The following FMN1 variants were observed in gnomAD, a reference collection of about 807,000 sequenced individuals.
FMN1 encodes formin-1.
FMN1 carries 110 observed loss-of-function variants against 132.4 expected under a neutral mutation model. The observed-to-expected ratio is 0.83, with a 90% CI of 0.71 to 0.97. FMN1 has a LOEUF of 0.97. Ranked by LOEUF, FMN1 falls within the 50% of genes least tolerant of loss-of-function variation. The pLI, the probability that FMN1 is intolerant of heterozygous loss-of-function variation, is 0.00. For synonymous variants in FMN1, 722 were observed against 651.7 expected, an observed-to-expected ratio of 1.11 and a Z score of -1.64; for missense variants, 1,792 against 1,705.3, an observed-to-expected ratio of 1.05 and a Z score of -0.90.
chr15:32,959,322 A>G (rs980623265), intron 9 of FMN1, among the ~76,000 whole-genome samples: 2 of 152,222 alleles, frequency 1.3e-5, no homozygotes, highest in African/African-American at 4.8e-5. Context: ...GAAAGAAAAC[A>G]AACATCTGAC....
At chr15:32,990,398 G>A (rs1215508389) in intron 7 of FMN1, among the ~76,000 whole-genome samples, 1 of 152,178 alleles carries the variant, frequency 6.6e-6, no homozygotes, top group Non-Finnish European at 1.5e-5. Context: ...TCCAGGATCA[G>A]AGCAAAGAAA....
intron 12 of FMN1, 61 bp downstream of exon 12, chr15:32,908,429 C>T: frequency 2.7e-6 from 3 of 1,098,238 alleles, no homozygotes; most frequent in Admixed American, 1.8e-5. Flanking sequence ...AGCTGGGAGA[C>T]AAGAAGACAG....
chr15:33,148,043 T>C (rs1325954924), intron 4 of FMN1, among the ~76,000 whole-genome samples: 1 of 152,194 alleles, frequency 6.6e-6, no homozygotes, highest in Non-Finnish European at 1.5e-5. Flanking sequence ...ATGGTCAACC[T>C]AATCAAATTT....
chr15:33,111,932 T>C lies in FMN1; in HGVS notation c.1868-22958A>G, dbSNP rs540545017. On this transcript the variant is annotated intron_variant, in intron 4 of 20. Coordinates refer to ENST00000616417, the MANE Select transcript of FMN1 (RefSeq NM_001277313.2). ...TTGTACATTTTAAATGAGTGAATTA[T>C]ATGGCATGTGTATTATATCTTAATA... 3.3e-5 allele frequency among the ~76,000 whole-genome samples: 5 copies of C among 152,316 alleles called. No individual in the cohort carries two copies. In the East Asian group the frequency reaches 5.8e-4, roughly 18 times the overall value.
intron 9 of FMN1, among the ~76,000 whole-genome samples, chr15:32,941,173 C>T (rs766050885): frequency 4.6e-5 from 7 of 152,050 alleles, no homozygotes; most frequent in Non-Finnish European, 1.0e-4. Flanking sequence ...GCTTTAAGCT[C>T]CCAACTTGAT....
intron 4 of FMN1, among the ~76,000 whole-genome samples, chr15:33,120,327 T>G (rs901076262): frequency 6.6e-6 from 1 of 152,184 alleles, no homozygotes; most frequent in Non-Finnish European, 1.5e-5. Context: ...TTTATTCTCC[T>G]TGCTGACCCT....
At position 33,031,127 on chromosome 15, in the gene FMN1, A is replaced by C. The variant is rs566291084; in HGVS notation, c.2162-23052T>G. Among the ~76,000 whole-genome samples, 17 of 152,308 alleles carry C rather than the reference A, an allele frequency of 1.1e-4. No homozygotes were observed. The East Asian group carries it at 3.1e-3, about 28-fold the overall frequency. On this transcript the variant is annotated intron_variant, in intron 6 of 20. Transcript: ENST00000616417. ...AAAAAGATCAAGGCACAAACAGCTT[A>C]AATGGTTGCCCAAGCTTACACAGGT...
intron 19 of FMN1, among the ~76,000 whole-genome samples, chr15:32,795,013 T>C (rs892685315): frequency 1.3e-5 from 2 of 151,946 alleles, no homozygotes; most frequent in Non-Finnish European, 2.9e-5. Context: ...CTGGGCAACA[T>C]AGTGAGACAC....
rs144127204 is a variant in FMN1 at position 32,826,754 on chromosome 15, C to T, written c.3929-22422G>A. On this transcript the variant is annotated intron_variant, in intron 17 of 20. Coordinates refer to ENST00000616417, the MANE Select transcript of FMN1 (RefSeq NM_001277313.2). ...CTTCTATTAGAACACTACATGATCTCACACTATCATTACAATATTCCAGGC... is the reference window on the plus strand; with the variant it reads ...CTTCTATTAGAACACTACATGATCTTACACTATCATTACAATATTCCAGGC... Among the ~76,000 whole-genome samples, 254 of 152,328 alleles carry T rather than the reference C, an allele frequency of 1.7e-3. 2 individuals carry two copies. The highest frequency in any genetic ancestry group is 6.8e-3 in the Middle Eastern group (2 of 294).
intron 19 of FMN1, among the ~76,000 whole-genome samples, chr15:32,792,478 C>CA (rs11412910): frequency 0.053 from 8,041 of 151,088 alleles, 398 homozygotes; most frequent in African/African-American, 0.13. Flanking sequence ...AAAAAAAACC[C>CA]AAAAAAACTA....
chr15:33,073,508 G>A (rs1415781006), intron 5 of FMN1, among the ~76,000 whole-genome samples: 3 of 152,158 alleles, frequency 2.0e-5, no homozygotes, highest in Admixed American at 2.0e-4. Context: ...GTTAATGGGT[G>A]AAATCCTGGT....
At chr15:32,886,345 A>G (rs2059896995) in intron 16 of FMN1, among the ~76,000 whole-genome samples, 1 of 152,128 alleles carries the variant, frequency 6.6e-6, no homozygotes, top group Admixed American at 6.5e-5. Flanking sequence ...TAACTGAGAC[A>G]ATGTTCAGTT....
At chr15:32,902,122 G>A in intron 12 of FMN1, 82 bp from the exon 13 acceptor site, 1 of 1,231,178 alleles carries the variant, frequency 8.1e-7, no homozygotes, top group Non-Finnish European at 1.1e-6. Context: ...ACCCACTTTG[G>A]GAACATTCCT....
chr15:33,033,389 GCA>G (rs1296392987), intron 6 of FMN1, among the ~76,000 whole-genome samples: 1 of 152,140 alleles, frequency 6.6e-6, no homozygotes, highest in African/African-American at 2.4e-5. Flanking sequence ...TGAAGAACTT[GCA>G]CATCCTCCCG....
intron 6 of FMN1, among the ~76,000 whole-genome samples, chr15:33,009,884 C>CT (rs1402673906): frequency 2.0e-5 from 3 of 151,510 alleles, no homozygotes; most frequent in South Asian, 2.1e-4. Context: ...ATGGAGGAAT[C>CT]TTTTTTTTGT....
chr15:32,801,499 G>A (rs1356070547), intron 18 of FMN1, among the ~76,000 whole-genome samples: 1 of 152,086 alleles, frequency 6.6e-6, no homozygotes, highest in Non-Finnish European at 1.5e-5. Flanking sequence ...GGGCACAGTG[G>A]CTCACGCCTG....
At chr15:32,838,843 C>T (rs187149494) in intron 17 of FMN1, among the ~76,000 whole-genome samples, 1 of 152,334 alleles carries the variant, frequency 6.6e-6, no homozygotes, top group Admixed American at 6.5e-5. Flanking sequence ...GACACGAAGA[C>T]TGAAATCTAA....
chr15:32,856,107 C>G (rs1286496014), intron 17 of FMN1, among the ~76,000 whole-genome samples: 1 of 152,178 alleles, frequency 6.6e-6, no homozygotes, highest in African/African-American at 2.4e-5. Context: ...AATTTCCCTG[C>G]TGATTCTCAA....
At position 32,912,545 on chromosome 15, in the gene FMN1, A is replaced by G. The variant is rs552245966; in HGVS notation, c.3227-2010T>C. 3.3e-5 allele frequency among the ~76,000 whole-genome samples: 5 copies of G among 152,324 alleles called. 1 individual carries two copies. The South Asian group carries it at 1.0e-3, about 32-fold the overall frequency. ...AAGTAAATACATAATTTCAGATAAC[A>G]ATTTACTATGAAGAAAGTAAAACAG... On this transcript the variant is annotated intron_variant, in intron 10 of 20. Coordinates refer to ENST00000616417, the MANE Select transcript of FMN1 (RefSeq NM_001277313.2).
Sources: allele counts gnomAD v4.1 joint callset (sites outside exome capture counted in the v4.1 genomes callset), GRCh38; gene constraint gnomAD v4.1.1; transcripts MANE v1.5; gene names NCBI Gene and HGNC (gene_info 2026-07-23, HGNC 2026-07-21).